Variants in PLCZ1 observed in about 807,000 individuals in gnomAD.
The protein encoded by PLCZ1 is 1-phosphatidylinositol 4,5-bisphosphate phosphodiesterase zeta-1.
In PLCZ1, 64 loss-of-function variants were observed where a neutral mutation model predicts 76.8. The observed-to-expected ratio is 0.83, with a 90% CI of 0.68 to 1.03. PLCZ1 has a LOEUF of 1.03. Ranked by LOEUF, PLCZ1 falls within the 50% of genes least tolerant of loss-of-function variation. The pLI, the probability that PLCZ1 is intolerant of heterozygous loss-of-function variation, is 0.00. For synonymous variants in PLCZ1, 248 were observed against 230.8 expected, an observed-to-expected ratio of 1.07 and a Z score of -0.68; for missense variants, 751 against 713.7, an observed-to-expected ratio of 1.05 and a Z score of -0.60.
the PLCZ1 span, among the ~76,000 whole-genome samples, chr12:18,663,956 T>G: frequency 5.3e-5 from 8 of 152,260 alleles, no homozygotes; most frequent in South Asian, 1.7e-3. Context: ...TAGACATTTC[T>G]CCAAAGAAGA....
intron 10 of PLCZ1, among the ~76,000 whole-genome samples, chr12:18,696,660 T>G (rs1301852631): frequency 6.6e-6 from 1 of 152,036 alleles, no homozygotes; most frequent in African/African-American, 2.4e-5. Flanking sequence ...ATTTTTCCAC[T>G]TTGATTTTCA....
chr12:18,697,151 T>C (rs989320963), intron 10 of PLCZ1, among the ~76,000 whole-genome samples: 1 of 152,180 alleles, frequency 6.6e-6, no homozygotes, highest in Non-Finnish European at 1.5e-5. Flanking sequence ...CCATTCCTGC[T>C]GATATAGTGA....
At chr12:18,650,317 C>CTA in the PLCZ1 span, among the ~76,000 whole-genome samples, 7 of 101,176 alleles carry the variant, frequency 6.9e-5, no homozygotes, top group African/African-American at 9.9e-5. Flanking sequence ...CTCTCTCTCT[C>CTA]TCTCTCTCTC....
intron 12 of PLCZ1, chr12:18,693,057 G>A (rs962383389): frequency 6.1e-5 from 90 of 1,481,352 alleles, no homozygotes; most frequent in Non-Finnish European, 8.3e-5. Context: ...AAAGCAAGAA[G>A]GGAAAAGATC....
At chr12:18,688,882 A>G (rs1418513779) in intron 12 of PLCZ1, among the ~76,000 whole-genome samples, 3 of 152,128 alleles carry the variant, frequency 2.0e-5, no homozygotes, top group African/African-American at 7.2e-5. Context: ...AGTTATAAAA[A>G]TTGAGGCATA....
chr12:18,656,266 C>A, the PLCZ1 span, among the ~76,000 whole-genome samples: 1 of 151,908 alleles, frequency 6.6e-6, no homozygotes, highest in Non-Finnish European at 1.5e-5. Flanking sequence ...CTGTCTATAC[C>A]AAAAAAGCAT....
intron 12 of PLCZ1, chr12:18,693,643 C>A: frequency 6.4e-7 from 1 of 1,563,240 alleles, no homozygotes; most frequent in East Asian, 2.2e-5. Flanking sequence ...AAATTGACGC[C>A]ATTGGGACAA....
At chr12:18,734,751 C>A (rs1410091273) in intron 3 of PLCZ1, among the ~76,000 whole-genome samples, 1 of 152,104 alleles carries the variant, frequency 6.6e-6, no homozygotes, top group African/African-American at 2.4e-5. Context: ...AATTTAATTG[C>A]CTTTTATTTT....
At chr12:18,650,702 GTGTATATATCTATATATA>G in the PLCZ1 span, among the ~76,000 whole-genome samples, 20 of 27,694 alleles carry the variant, frequency 7.2e-4, 1 homozygote, top group South Asian at 2.4e-3. Context: ...GTGTGTGTGT[GTGTATATATCTATATATA>G]TATATATATA....
chr12:18,713,510 A>G (rs1019555769), intron 5 of PLCZ1, among the ~76,000 whole-genome samples: 1 of 152,204 alleles, frequency 6.6e-6, no homozygotes, highest in African/African-American at 2.4e-5. Context: ...GCATGACAAT[A>G]CTTGCTCTCT....
the PLCZ1 span, among the ~76,000 whole-genome samples, chr12:18,657,807 T>A: frequency 6.6e-6 from 1 of 152,030 alleles, no homozygotes; most frequent in African/African-American, 2.4e-5. Flanking sequence ...TAAGAAAGTA[T>A]GGCCCATACA....
In PLCZ1 at chr12:18,736,832, C is replaced by A. The variant is rs1565749417; in HGVS notation, c.12-488G>T. ...CTACTTAGTGTTCAATAAATAGTAACCATGACTGATAAAGTTATTATTACT... is the reference window on the plus strand; with the variant it reads ...CTACTTAGTGTTCAATAAATAGTAAACATGACTGATAAAGTTATTATTACT... On this transcript the variant is annotated intron_variant, in intron 2 of 14. Coordinates refer to ENST00000266505, the MANE Select transcript of PLCZ1 (RefSeq NM_033123.4). 23 of 491,596 alleles carry A rather than the reference C, an allele frequency of 4.7e-5. 1 individual carries two copies. Among genetic ancestry groups the A allele is most frequent in the South Asian group, 3.4e-4 (22 of 64,906 alleles). The allele number at this position is 491,596 out of a possible 1,614,324, so 30.5% of individuals were successfully genotyped here.
the PLCZ1 span, among the ~76,000 whole-genome samples, chr12:18,656,730 G>T: frequency 7.6e-6 from 1 of 131,104 alleles, no homozygotes; most frequent in Non-Finnish European, 1.6e-5. Flanking sequence ...GCATGACCCT[G>T]TCTCAAACAA....
the PLCZ1 span, among the ~76,000 whole-genome samples, chr12:18,672,483 G>T: frequency 6.6e-6 from 1 of 152,002 alleles, no homozygotes; most frequent in East Asian, 1.9e-4. Flanking sequence ...ATAAATCTAG[G>T]TTAAAACAAC....
chr12:18,701,267 G>T (rs1479219558), intron 9 of PLCZ1, among the ~76,000 whole-genome samples: 2 of 152,064 alleles, frequency 1.3e-5, no homozygotes, highest in African/African-American at 2.4e-5. Context: ...TTACAGGCAT[G>T]AGCCACCGTG....
At chr12:18,663,174 G>A in the PLCZ1 span, among the ~76,000 whole-genome samples, 3 of 152,138 alleles carry the variant, frequency 2.0e-5, no homozygotes, top group Middle Eastern at 0.01. Context: ...CAAGGCAAGG[G>A]TGAACAGGTT....
chr12:18,711,546 T>TAAG (rs1449451860), intron 6 of PLCZ1, among the ~76,000 whole-genome samples: 3 of 148,924 alleles, frequency 2.0e-5, no homozygotes, highest in African/African-American at 7.4e-5. Context: ...ATAATAATAA[T>TAAG]AATAATAATA....
chr12:18,710,366 C>T (rs1957153798), intron 6 of PLCZ1, among the ~76,000 whole-genome samples: 1 of 151,328 alleles, frequency 6.6e-6, no homozygotes, highest in South Asian at 2.1e-4. Context: ...GTACAAAGGC[C>T]TTGAGATATG....
chr12:18,652,496 C>T, the PLCZ1 span, among the ~76,000 whole-genome samples: 1 of 152,148 alleles, frequency 6.6e-6, no homozygotes, highest in South Asian at 2.1e-4. Context: ...GCCTCCAAAG[C>T]TGTGGGGGAA....
Sources: gnomAD v4.1 joint callset for allele counts (sites outside exome capture counted in the v4.1 genomes callset) on GRCh38, gnomAD v4.1.1 for gene constraint, MANE v1.5 for transcripts, NCBI Gene and HGNC (gene_info 2026-07-23, HGNC 2026-07-21) for gene names.